DPP6: variants seen among roughly 807,000 people sequenced by gnomAD.
DPP6 encodes dipeptidyl peptidase like 6, also known as A-type potassium channel modulatory protein DPP6.
Under a neutral mutation model 122.6 loss-of-function variants are expected in DPP6, and 69 were observed. That is an observed-to-expected ratio of 0.56 (90% confidence interval 0.46 to 0.69). DPP6 has a LOEUF of 0.69. Ranked by LOEUF, DPP6 falls within the 30% of genes least tolerant of loss-of-function variation. The pLI is 0.00. For synonymous variants in DPP6, 418 were observed against 433.1 expected (o/e 0.97, Z 0.43); for missense variants, 928 against 1,116.9 (o/e 0.83, Z 2.41).
intron 1 of DPP6, among the ~76,000 whole-genome samples, chr7:153,892,486 G>T (rs1799244979): frequency 6.6e-6 from 1 of 151,998 alleles, no homozygotes; most frequent in African/African-American, 2.4e-5. Flanking sequence ...GTTAATTTTT[G>T]TATTTTTAGT....
chr7:154,571,081 A>G (rs1831081557), intron 5 of DPP6, among the ~76,000 whole-genome samples: 1 of 152,234 alleles, frequency 6.6e-6, no homozygotes, highest in African/African-American at 2.4e-5. Flanking sequence ...ATAAAATTTC[A>G]TAACATTTCT....
the DPP6 span, among the ~76,000 whole-genome samples, chr7:153,851,471 A>T: frequency 2.0e-5 from 3 of 152,248 alleles, no homozygotes; most frequent in South Asian, 6.2e-4. Context: ...TGTCTGAAAC[A>T]TTATGTCTAA....
chr7:154,347,142 G>A (rs138884132), intron 1 of DPP6, among the ~76,000 whole-genome samples: 35 of 152,282 alleles, frequency 2.3e-4, no homozygotes, highest in African/African-American at 7.2e-4. Context: ...GACATCTCCT[G>A]CTCGGTTCAT....
chr7:153,766,447 A>G, the DPP6 span, among the ~76,000 whole-genome samples: 10 of 152,348 alleles, frequency 6.6e-5, no homozygotes, highest in African/African-American at 2.4e-4. Flanking sequence ...TATATCATTA[A>G]AAAGTTGGGA....
At chr7:154,814,193 T>C (rs1272402635) in intron 16 of DPP6, among the ~76,000 whole-genome samples, 1 of 152,190 alleles carries the variant, frequency 6.6e-6, no homozygotes. Flanking sequence ...GAAAAGTACA[T>C]TTCTAATTAC....
At chr7:153,886,689 G>C (rs38980), upstream of DPP6, among the ~76,000 whole-genome samples, 24,478 of 152,138 alleles carry the variant, frequency 0.16, 2,338 homozygotes, top group South Asian at 0.37. Flanking sequence ...CGGATGCAGA[G>C]GCCAACCCAG....
chr7:154,252,452 C>G (rs1407475061), intron 1 of DPP6, among the ~76,000 whole-genome samples: 1 of 152,216 alleles, frequency 6.6e-6, no homozygotes, highest in Non-Finnish European at 1.5e-5. Context: ...GACCCTTAGT[C>G]AGATCTATTA....
chr7:153,906,368 A>G (rs1799851295), intron 1 of DPP6, among the ~76,000 whole-genome samples: 1 of 152,134 alleles, frequency 6.6e-6, no homozygotes, highest in Admixed American at 6.5e-5. Flanking sequence ...CAATCTTTGG[A>G]ATCTACAGTG....
chr7:154,759,137 CT>C (rs1328528876), intron 8 of DPP6, among the ~76,000 whole-genome samples: 1 of 152,198 alleles, frequency 6.6e-6, no homozygotes, highest in Non-Finnish European at 1.5e-5. Flanking sequence ...CTCCAGCCCC[CT>C]GGTGCGAATT....
chr7:154,565,795 G>A (rs1329165010), intron 4 of DPP6, among the ~76,000 whole-genome samples: 1 of 152,192 alleles, frequency 6.6e-6, no homozygotes, highest in African/African-American at 2.4e-5. Context: ...AAAGTGCTGG[G>A]ATTACAGGCG....
intron 1 of DPP6, among the ~76,000 whole-genome samples, chr7:154,067,735 G>A (rs1802830864): frequency 6.6e-6 from 1 of 152,096 alleles, no homozygotes; most frequent in Non-Finnish European, 1.5e-5. Flanking sequence ...GGAGAGCAGT[G>A]TAAGAGTTTT....
At position 154,179,019 on chromosome 7, in the gene DPP6, G is replaced by T. The variant is rs576533017; in HGVS notation, c.243+125956G>T. ...CCAAAGGGTTATGAGTCCCAGGATG[G>T]CCCAGAAGCAACAGGGCTGACACAC... On this transcript the variant is annotated intron_variant, in intron 1 of 25. Transcript: ENST00000377770. 3.3e-5 allele frequency among the ~76,000 whole-genome samples: 5 copies of T among 152,276 alleles called. No homozygotes were observed. In the South Asian group the frequency reaches 8.3e-4, roughly 25 times the overall value.
chr7:154,342,599 G>A (rs1055636037), intron 1 of DPP6, among the ~76,000 whole-genome samples: 12 of 152,150 alleles, frequency 7.9e-5, no homozygotes, highest in Admixed American at 7.9e-4. Flanking sequence ...TTTCCTGGAG[G>A]CGAACTAGAA....
chr7:154,873,292 G>C (rs1409316607), intron 19 of DPP6, among the ~76,000 whole-genome samples: 1 of 152,218 alleles, frequency 6.6e-6, no homozygotes, highest in Non-Finnish European at 1.5e-5. Flanking sequence ...AATGTTGCCT[G>C]ACAGCCCTGA....
intron 1 of DPP6, among the ~76,000 whole-genome samples, chr7:153,939,345 T>C (rs1352944985): frequency 6.6e-6 from 1 of 152,230 alleles, no homozygotes; most frequent in Non-Finnish European, 1.5e-5. Flanking sequence ...TAATCTCTTA[T>C]TCAACAAATA....
intron 13 of DPP6, among the ~76,000 whole-genome samples, 184 bp from the exon 14 acceptor site, chr7:154,803,680 G>C (rs1486086973): frequency 1.3e-5 from 2 of 152,178 alleles, no homozygotes; most frequent in Non-Finnish European, 2.9e-5. Flanking sequence ...CCTGGGGTTG[G>C]TTGGGAAGCC....
At chr7:153,823,615 G>GA in the DPP6 span, among the ~76,000 whole-genome samples, 1 of 143,100 alleles carries the variant, frequency 7.0e-6, no homozygotes, top group African/African-American at 2.6e-5. Flanking sequence ...TATCAGGAAA[G>GA]GGAATCATGA....
chr7:153,955,519 A>G (rs1802418029), intron 1 of DPP6, among the ~76,000 whole-genome samples: 1 of 152,064 alleles, frequency 6.6e-6, no homozygotes, highest in Non-Finnish European at 1.5e-5. Context: ...GCTCACTGCA[A>G]CCTCTGCCTC....
intron 1 of DPP6, among the ~76,000 whole-genome samples, chr7:154,256,983 CTTT>C (rs1802695861): frequency 6.9e-6 from 1 of 143,944 alleles, no homozygotes; most frequent in Non-Finnish European, 1.5e-5. Flanking sequence ...TTTTCTTTTT[CTTT>C]TTCTTCTTCT....
Sources: allele counts gnomAD v4.1 joint callset (sites outside exome capture counted in the v4.1 genomes callset), GRCh38; gene constraint gnomAD v4.1.1; transcripts MANE v1.5; gene names NCBI Gene and HGNC (gene_info 2026-07-23, HGNC 2026-07-21).